The following SLC25A17 variants were observed in gnomAD, a reference collection of about 807,000 sequenced individuals.
SLC25A17 encodes the protein solute carrier family 25 member 17, also known as peroxisomal membrane protein PMP34.
A neutral mutation model predicts 38.5 loss-of-function variants in SLC25A17; 26 were observed. The observed-to-expected ratio is 0.68, with a 90% CI of 0.50 to 0.94. SLC25A17 has a LOEUF of 0.94. Ranked by LOEUF, SLC25A17 falls within the 40% of genes least tolerant of loss-of-function variation. The pLI is 0.00. For missense variants in SLC25A17, 333 were observed against 372.7 expected (o/e 0.89, Z 0.88); for synonymous variants, 139 against 136.2 (o/e 1.02, Z -0.14).
At chr22:40,796,887 G>A (rs957105022) in intron 2 of SLC25A17, among the ~76,000 whole-genome samples, 1 of 152,122 alleles carries the variant, frequency 6.6e-6, no homozygotes, top group Non-Finnish European at 1.5e-5. Context: ...AGACGAAGAC[G>A]CTCCCAATGC....
intron 8 of SLC25A17, among the ~76,000 whole-genome samples, chr22:40,773,293 C>T (rs1384866421): frequency 3.3e-5 from 5 of 151,722 alleles, no homozygotes; most frequent in African/African-American, 1.2e-4. Context: ...GCCTGTAGTC[C>T]CAGCTACTTG....
In SLC25A17 at chr22:40,794,408, A is replaced by G. The variant is rs2057409420; in HGVS notation, c.182+106T>C. On this transcript the variant is annotated intron_variant, in intron 3 of 8. Transcript: ENST00000435456. Reference sequence around the variant, plus strand: ...TAAATCAGGCAATTCCAAATTCACAACATTAGAGTGCTGTGAGAAAGATAG... The same window carrying G: ...TAAATCAGGCAATTCCAAATTCACAGCATTAGAGTGCTGTGAGAAAGATAG... 5 of 680,682 alleles carry G rather than the reference A, an allele frequency of 7.3e-6. No individual in the cohort carries two copies. The South Asian group carries it at 7.4e-5, about 10-fold the overall frequency. The allele number at this position is 680,682 out of a possible 1,614,324, so 42.2% of individuals were successfully genotyped here.
At chr22:40,815,249 CA>C (rs1568991345) in intron 1 of SLC25A17, among the ~76,000 whole-genome samples, 1 of 152,124 alleles carries the variant, frequency 6.6e-6, no homozygotes, top group Non-Finnish European at 1.5e-5. Context: ...GAGGGCTGAA[CA>C]GAAGCAGATA....
intron 1 of SLC25A17, among the ~76,000 whole-genome samples, chr22:40,816,131 G>C (rs934239054): frequency 2.0e-5 from 3 of 151,682 alleles, no homozygotes; most frequent in Non-Finnish European, 4.4e-5. Flanking sequence ...GGAGGTTGTG[G>C]TGGGCCGAGA....
intron 1 of SLC25A17, among the ~76,000 whole-genome samples, chr22:40,807,256 T>A (rs112588882): frequency 2.0e-5 from 3 of 152,296 alleles, no homozygotes; most frequent in African/African-American, 4.8e-5. Context: ...ATTAAAAAAA[T>A]TAATCCTCAC....
At chr22:40,797,205 TCCA>T in intron 2 of SLC25A17, 1 of 643,448 alleles carries the variant, frequency 1.6e-6, no homozygotes, top group Non-Finnish European at 2.6e-6. Context: ...AAATTATTTA[TCCA>T]AAAACTATAA....
In SLC25A17 at chr22:40,773,941, C is replaced by G; in HGVS notation, c.772G>C (p.Val258Leu). Residue 258 changes from valine (V) to leucine (L), a missense_variant, in exon 8 of 9, where the codon GTA becomes CTA. By Grantham distance (32) the Val-to-Leu change is conservative. Transcript: ENST00000435456. ...TGAGGCATCTACAAAGCTCACCTTA[C>G]TCGTTGGTGAAGAAGATAGAGAATA... ...RNILYLLHQRVRRFGIMGLYK... is the reference protein window; with the variant it reads ...RNILYLLHQRLRRFGIMGLYK... 6.2e-7 allele frequency: 1 copy of G among 1,603,902 alleles called. No homozygotes were observed. The highest frequency in any genetic ancestry group is 1.3e-5 in the African/African-American group (1 of 74,830).
chr22:40,784,784 C>CAAAAAAAAAAAAAAAAAA (rs71200616), intron 4 of SLC25A17, among the ~76,000 whole-genome samples: 2 of 96,356 alleles, frequency 2.1e-5, no homozygotes, highest in Non-Finnish European at 3.9e-5. Flanking sequence ...TCAACAACAA[C>CAAAAAAAAAAAAAAAAAA]AAAAAAAAAA....
Position 40,819,182 on chromosome 22 carries a change from G to A in SLC25A17, c.54+13C>T, listed in dbSNP as rs753596488. On this transcript the variant is annotated intron_variant, in intron 1 of 8. Transcript: ENST00000435456. ...TAACCCGTTGCGGCCCGGGCGTAAA[G>A]ACCCCGTCTCACCACGGCTCCGGCC... The A allele has an allele frequency of 6.2e-7, 1 of 1,613,498 alleles. No homozygotes were observed. Among genetic ancestry groups the A allele is most frequent in the Non-Finnish European group, 8.5e-7 (1 of 1,179,952 alleles).
chr22:40,818,386 A>G (rs899455608), intron 1 of SLC25A17, among the ~76,000 whole-genome samples: 5 of 152,128 alleles, frequency 3.3e-5, no homozygotes, highest in Non-Finnish European at 7.4e-5. Context: ...AACAAACCAC[A>G]CTTGTGGTAG....
At chr22:40,777,541 T>C (rs2057257537) in intron 5 of SLC25A17, among the ~76,000 whole-genome samples, 168 bp from the exon 6 acceptor site, 1 of 152,194 alleles carries the variant, frequency 6.6e-6, no homozygotes, top group African/African-American at 2.4e-5. Context: ...CCCAGCACTT[T>C]GGGAGGCCGA....
In SLC25A17 at chr22:40,792,608, T is replaced by C. The variant is rs1028532259; in HGVS notation, c.251A>G (p.Tyr84Cys). 1 of 1,614,006 alleles carries C rather than the reference T, an allele frequency of 6.2e-7. No homozygotes were observed. The highest frequency in any genetic ancestry group is 2.2e-5 in the East Asian group (1 of 44,876). The part of the protein sequence containing the change: ...SLCCSNFVYF[Y>C]TFNSLKALWV... The stretch of plus-strand genomic sequence containing the variant: ...GAGTGCTTTGAGGCTATTAAAAGTG[T>C]AGAAATAGACAAAATTGGAGCAGCA... The change falls in exon 4 of 9, where the codon TAC becomes TGC. Residue 84 changes from tyrosine (Y) to cysteine (C), a missense_variant. Transcript: ENST00000435456.
intron 1 of SLC25A17, among the ~76,000 whole-genome samples, chr22:40,805,776 G>A (rs1007375575): frequency 9.2e-5 from 14 of 152,112 alleles, no homozygotes; most frequent in Non-Finnish European, 1.5e-5. Flanking sequence ...TTAACTCTGT[G>A]AGACCCACAT....
chr22:40,800,306 T>A (rs1017988020), intron 1 of SLC25A17, among the ~76,000 whole-genome samples: 6 of 152,206 alleles, frequency 3.9e-5, no homozygotes, highest in Middle Eastern at 6.3e-3. Context: ...TGGTTCTCAA[T>A]CCAGATGCAT....
intron 1 of SLC25A17, among the ~76,000 whole-genome samples, chr22:40,816,448 A>C (rs894531364): frequency 6.6e-6 from 1 of 152,060 alleles, no homozygotes; most frequent in Non-Finnish European, 1.5e-5. Flanking sequence ...ATTTCACACG[A>C]CCATGGCAAT....
chr22:40,810,459 T>C (rs928742371), intron 1 of SLC25A17, among the ~76,000 whole-genome samples: 3 of 151,762 alleles, frequency 2.0e-5, no homozygotes, highest in African/African-American at 7.3e-5. Flanking sequence ...GTGATTCTCC[T>C]GCCTCAGCCT....
At chr22:40,795,497 A>G (rs1010429006) in intron 2 of SLC25A17, among the ~76,000 whole-genome samples, 5 of 151,580 alleles carry the variant, frequency 3.3e-5, no homozygotes, top group African/African-American at 1.2e-4. Context: ...TTTCACTGTT[A>G]GCCAGGATGG....
In SLC25A17 at chr22:40,812,278, G is replaced by C. The variant is rs934094407; in HGVS notation, c.54+6917C>G. On this transcript the variant is annotated intron_variant, in intron 1 of 8. Transcript: ENST00000435456. The stretch of plus-strand genomic sequence containing the variant: ...AAAAAAGATGGTTTATTCATTCTGG[G>C]CTATATCTCTCCTGTAAATATCTAA... Among the ~76,000 whole-genome samples, 16 of 152,086 alleles carry C rather than the reference G, an allele frequency of 1.1e-4. 2 individuals carry two copies. The highest frequency in any genetic ancestry group is 9.2e-4 in the Admixed American group (14 of 15,262).
chr22:40,797,013 G>GA (rs2057437163), intron 2 of SLC25A17, among the ~76,000 whole-genome samples: 1 of 152,108 alleles, frequency 6.6e-6, no homozygotes, highest in South Asian at 2.1e-4. Flanking sequence ...AAAAAAGGGA[G>GA]AAAATTAAGA....
Sources: gnomAD v4.1 joint callset for allele counts (sites outside exome capture counted in the v4.1 genomes callset) on GRCh38, gnomAD v4.1.1 for gene constraint, MANE v1.5 for transcripts, NCBI Gene and HGNC (gene_info 2026-07-23, HGNC 2026-07-21) for gene names.